The following TBC1D8 variants were observed in gnomAD, a reference collection of about 807,000 sequenced individuals.
TBC1D8 encodes the protein TBC1 domain family member 8.
In TBC1D8, 65 loss-of-function variants were observed where a neutral mutation model predicts 118.8. The observed-to-expected ratio is 0.55, with a 90% CI of 0.45 to 0.67. TBC1D8 has a LOEUF of 0.67. TBC1D8 is among the 30% of genes least tolerant of loss of function. The probability of loss-of-function intolerance (pLI) is 0.00; values close to 1 mark genes in which losing one functional copy is unlikely to be tolerated. For missense variants in TBC1D8, 1,376 were observed against 1,471.2 expected, an observed-to-expected ratio of 0.94 and a Z score of 1.06; for synonymous variants, 566 against 595.8, an observed-to-expected ratio of 0.95 and a Z score of 0.73.
intron 1 of TBC1D8, among the ~76,000 whole-genome samples, chr2:101,093,006 C>T (rs1231382205): frequency 6.6e-6 from 1 of 152,120 alleles, no homozygotes; most frequent in Non-Finnish European, 1.5e-5. Flanking sequence ...AAGGCCAACC[C>T]CTCCTCCTCT....
At chr2:101,034,715 A>G (rs1192372548) in intron 9 of TBC1D8, among the ~76,000 whole-genome samples, 1 of 152,236 alleles carries the variant, frequency 6.6e-6, no homozygotes, top group East Asian at 1.9e-4. Flanking sequence ...ACGCCTCACA[A>G]TCAGGTGGTG....
At chr2:101,034,455 C>T (rs1680877742) in intron 9 of TBC1D8, among the ~76,000 whole-genome samples, 2 of 152,230 alleles carry the variant, frequency 1.3e-5, no homozygotes, top group South Asian at 4.1e-4. Flanking sequence ...CCACATGCAA[C>T]TCTGAAGTCA....
chr2:101,144,297 T>A (rs1352308331), intron 1 of TBC1D8, among the ~76,000 whole-genome samples: 2 of 152,090 alleles, frequency 1.3e-5, no homozygotes, highest in African/African-American at 4.8e-5. Flanking sequence ...AGCCTCTTCA[T>A]GACTACAGTG....
chr2:101,038,933 G>C (rs780136713), intron 6 of TBC1D8, among the ~76,000 whole-genome samples: 4 of 152,214 alleles, frequency 2.6e-5, no homozygotes, highest in Non-Finnish European at 5.9e-5. Flanking sequence ...CTCCAGCATG[G>C]ATGAGCCCCG....
chr2:101,012,157 G>GT (rs1420502172), intron 17 of TBC1D8, among the ~76,000 whole-genome samples: 4 of 152,174 alleles, frequency 2.6e-5, no homozygotes, highest in Non-Finnish European at 4.4e-5. Context: ...CAGTCTGGCA[G>GT]TTTTTAAAAA....
At chr2:101,091,757 T>A (rs1282932377) in intron 1 of TBC1D8, among the ~76,000 whole-genome samples, 3 of 152,178 alleles carry the variant, frequency 2.0e-5, no homozygotes, top group Admixed American at 2.0e-4. Context: ...CTTGATTGCC[T>A]GGGAATCTAG....
chr2:101,031,262 C>T (rs185054620), intron 11 of TBC1D8, among the ~76,000 whole-genome samples: 29 of 152,326 alleles, frequency 1.9e-4, no homozygotes, highest in Middle Eastern at 6.8e-3. Flanking sequence ...CTCAGGCACA[C>T]GAAGGAGCCG....
chr2:101,140,811 G>A (rs1032685026), intron 1 of TBC1D8, among the ~76,000 whole-genome samples: 7 of 146,010 alleles, frequency 4.8e-5, no homozygotes, highest in Admixed American at 4.2e-4. Flanking sequence ...CGCTCAGGCT[G>A]GAGTGCAATG....
At chr2:101,049,607 A>G (rs1681924062) in intron 5 of TBC1D8, among the ~76,000 whole-genome samples, 1 of 151,930 alleles carries the variant, frequency 6.6e-6, no homozygotes. Flanking sequence ...GGGCACCTGT[A>G]GTCTCAGCTA....
At chr2:101,066,457 A>G (rs1683020217) in intron 2 of TBC1D8, among the ~76,000 whole-genome samples, 1 of 152,168 alleles carries the variant, frequency 6.6e-6, no homozygotes, top group Non-Finnish European at 1.5e-5. Context: ...TGGGGGAAAA[A>G]TCAATTCTTA....
intron 19 of TBC1D8, among the ~76,000 whole-genome samples, chr2:101,010,472 A>T: frequency 6.6e-6 from 1 of 152,198 alleles, no homozygotes; most frequent in East Asian, 1.9e-4. Flanking sequence ...TGAATATCTG[A>T]AGTATCTTCA....
At chr2:101,097,359 T>C (rs1182057041) in intron 1 of TBC1D8, among the ~76,000 whole-genome samples, 1 of 152,038 alleles carries the variant, frequency 6.6e-6, no homozygotes, top group Non-Finnish European at 1.5e-5. Flanking sequence ...GCAACCGAAA[T>C]TTATATAAAG....
At chr2:101,018,350 G>T in intron 17 of TBC1D8, 1 of 157,448 alleles carries the variant, frequency 6.4e-6, no homozygotes, top group East Asian at 1.9e-4. Flanking sequence ...GGTTTTCAAC[G>T]TTTTAAGTGC....
At chr2:101,134,062 G>C (rs1452147302) in intron 1 of TBC1D8, among the ~76,000 whole-genome samples, 2 of 152,158 alleles carry the variant, frequency 1.3e-5, no homozygotes, top group Non-Finnish European at 2.9e-5. Flanking sequence ...AATTTGAGAT[G>C]AGATTTGTGT....
At chr2:101,104,173 G>T (rs1677049765) in intron 1 of TBC1D8, among the ~76,000 whole-genome samples, 1 of 152,098 alleles carries the variant, frequency 6.6e-6, no homozygotes, top group African/African-American at 2.4e-5. Flanking sequence ...TATGCATAGG[G>T]TTTATTTGTA....
At chr2:101,125,221 G>A (rs1328378515) in intron 1 of TBC1D8, among the ~76,000 whole-genome samples, 1 of 152,128 alleles carries the variant, frequency 6.6e-6, no homozygotes, top group East Asian at 1.9e-4. Flanking sequence ...CCAGGGTTCA[G>A]ATTCTGACAA....
At chr2:101,100,648 G>C (rs1676766521) in intron 1 of TBC1D8, among the ~76,000 whole-genome samples, 1 of 152,008 alleles carries the variant, frequency 6.6e-6, no homozygotes, top group African/African-American at 2.4e-5. Flanking sequence ...ATACTACAAG[G>C]CTACAGTAAC....
intron 1 of TBC1D8, among the ~76,000 whole-genome samples, chr2:101,125,192 G>C (rs1379256340): frequency 2.1e-5 from 3 of 144,592 alleles, no homozygotes; most frequent in African/African-American, 8.1e-5. Context: ...CACCTACAGA[G>C]CCCAGGGGGC....
In TBC1D8 at chr2:101,050,425, T is replaced by C. The variant is rs1573938281; in HGVS notation, c.848A>G (p.Gln283Arg). ...NEVFDLDPDL[Q>R]EPSQITKRDL... ...CCTCTTGGTGATCTGGCTCGGCTCCTGCAGATCGGGGTCGAGGTCAAAGAC... is the reference window on the plus strand; with the variant it reads ...CCTCTTGGTGATCTGGCTCGGCTCCCGCAGATCGGGGTCGAGGTCAAAGAC... The change falls in exon 5 of 20, where the codon CAG becomes CGG. Residue 283 changes from glutamine (Q) to arginine (R), a missense_variant. Coordinates refer to ENST00000409318, the MANE Select transcript of TBC1D8 (RefSeq NM_001330348.2). The C allele has an allele frequency of 6.2e-7, 1 of 1,613,556 alleles. No individual in the cohort carries two copies. Among genetic ancestry groups the C allele is most frequent in the Non-Finnish European group, 8.5e-7 (1 of 1,179,886 alleles).
Sources: gnomAD v4.1 joint callset for allele counts (sites outside exome capture counted in the v4.1 genomes callset) on GRCh38, gnomAD v4.1.1 for gene constraint, MANE v1.5 for transcripts, NCBI Gene and HGNC (gene_info 2026-07-23, HGNC 2026-07-21) for gene names.